Variants in FBN3 observed in about 807,000 individuals in gnomAD.
FBN3 encodes fibrillin 3, also known as fibrillin-3.
A neutral mutation model predicts 330.1 loss-of-function variants in FBN3; 234 were observed. That is an observed-to-expected ratio of 0.71 (90% CI 0.64 to 0.79). FBN3 has a LOEUF of 0.79. FBN3 is among the 30% of genes least tolerant of loss of function. The pLI is 0.00. For synonymous variants in FBN3, 1,458 were observed against 1,517.3 expected, an observed-to-expected ratio of 0.96 and a Z score of 0.91; for missense variants, 3,606 against 3,886.9, an observed-to-expected ratio of 0.93 and a Z score of 1.92.
chr19:8,101,119 C>A, intron 40 of FBN3, 147 bp from the exon 41 acceptor site: 1 of 551,504 alleles, frequency 1.8e-6, no homozygotes. Context: ...TTCCCTCCTT[C>A]CACTTATTTA....
rs2083420038 is a variant in FBN3, at chr19:8,141,738, C to T, written c.844G>A (p.Asp282Asn). 1 of 1,614,018 alleles carries T rather than the reference C, an allele frequency of 6.2e-7. No individual in the cohort carries two copies. The highest frequency in any genetic ancestry group is 1.3e-5 in the African/African-American group (1 of 75,070). ...CCACCTTCACATGCGGCGCTGCTGT[C>T]ACTGAGCCGGTGTCCAACTGGACAG... is the stretch of plus-strand genomic sequence containing the variant. ...CRCPVGHRLS[D>N]SSAACEDYRA... The change falls in exon 8 of 64, where the codon GAC becomes AAC. Residue 282 changes from aspartate to asparagine, a missense_variant. Physicochemically the swap from Asp to Asn is conservative, Grantham distance 23. Transcript: ENST00000600128.
rs535011194 is a variant in FBN3, at chr19:8,065,535, G to A, written c.*384C>T. 129 of 219,164 alleles carry A rather than the reference G, an allele frequency of 5.9e-4. No individual in the cohort carries two copies. Among genetic ancestry groups the A allele is most frequent in the Non-Finnish European group, 6.0e-4 (68 of 112,426 alleles). 13.6% of individuals were successfully genotyped at this position (219,164 alleles called of 1,614,324 possible). A position where few individuals can be genotyped will look rare whatever the true frequency, so the allele number is the denominator to read the frequency against. On this transcript the variant is annotated 3_prime_UTR_variant, in exon 64 of 64. Coordinates refer to ENST00000600128, the MANE Select transcript of FBN3 (RefSeq NM_032447.5). ...TTCTACTCCGAGGAATAAGCCCTGTGCCCACCCCAGTTGCCCATTGCCATG... is the reference window on the plus strand; with the variant it reads ...TTCTACTCCGAGGAATAAGCCCTGTACCCACCCCAGTTGCCCATTGCCATG...
intron 6 of FBN3, among the ~76,000 whole-genome samples, chr19:8,143,081 T>C (rs1288079390): frequency 6.6e-6 from 1 of 152,112 alleles, no homozygotes; most frequent in South Asian, 2.1e-4. Context: ...CAAGCCTGGA[T>C]GTCCCTGACG....
chr19:8,113,110 T>C (rs2082627084), intron 30 of FBN3, among the ~76,000 whole-genome samples: 1 of 152,176 alleles, frequency 6.6e-6, no homozygotes, highest in South Asian at 2.1e-4. Context: ...TAGGCTCCCA[T>C]CCAGTGATGA....
Position 8,075,120 on chromosome 19 carries a change from G to A in FBN3, c.7653C>T (p.Cys2551=), listed in dbSNP as rs2145377569. ...GCTGGGTGAAACCCTGGGGGCAGCT[G>A]CAGCGGTAGCCCCCTAGCTGGTTCT... The part of the protein sequence containing the change: ...GCQNQLGGYR[C]SCPQGFTQHS... Residue 2551 remains cysteine, a synonymous_variant, in exon 61 of 64, where the codon TGC becomes TGT. Coordinates refer to ENST00000600128, the MANE Select transcript of FBN3 (RefSeq NM_032447.5). 1 of 1,589,828 alleles carries A rather than the reference G, an allele frequency of 6.3e-7. No homozygotes were observed. The highest frequency in any genetic ancestry group is 8.6e-7 in the Non-Finnish European group (1 of 1,167,990).
At chr19:8,087,589 C>T (rs1170608398) in intron 53 of FBN3, among the ~76,000 whole-genome samples, 1 of 145,732 alleles carries the variant, frequency 6.9e-6, no homozygotes, top group South Asian at 2.2e-4. Context: ...GTTCTGTGTG[C>T]ATTGCAGGAT....
intron 3 of FBN3, among the ~76,000 whole-genome samples, chr19:8,146,481 C>A (rs1053649176): frequency 2.0e-5 from 3 of 152,166 alleles, no homozygotes; most frequent in African/African-American, 7.2e-5. Flanking sequence ...CTCTTTGGGC[C>A]AGAGCTGCTG....
At chr19:8,068,136 C>T (rs191619807) in intron 63 of FBN3, among the ~76,000 whole-genome samples, 209 of 152,036 alleles carry the variant, frequency 1.4e-3, no homozygotes, top group African/African-American at 4.9e-3. Context: ...CCTGTAATCC[C>T]AGCACTTTGG....
chr19:8,085,101 T>C (rs113836633), intron 56 of FBN3, among the ~76,000 whole-genome samples: 17,451 of 152,076 alleles, frequency 0.11, 2,137 homozygotes, highest in African/African-American at 0.31. Flanking sequence ...GGTGTCAAAG[T>C]GAGACTCTGT....
intron 57 of FBN3, 141 bp downstream of exon 57, chr19:8,083,106 T>G: frequency 3.0e-6 from 3 of 997,532 alleles, no homozygotes; most frequent in Non-Finnish European, 4.5e-6. Context: ...TGGCCCTCAG[T>G]TGTCTGTATG....
Position 8,109,397 on chromosome 19 carries a change from G to C in FBN3, c.4457-9C>G. The stretch of plus-strand genomic sequence containing the variant: ...GTTCCCGGCCCGAGTGTCTGAACAG[G>C]CAGAAGGGGATGGTTAGTAGGTGTC... On this transcript the variant is annotated splice_polypyrimidine_tract_variant and intron_variant, in intron 35 of 63. Coordinates refer to ENST00000600128, the MANE Select transcript of FBN3 (RefSeq NM_032447.5). The surrounding 1 kb of genome is among the most constrained non-coding windows in gnomAD (Gnocchi z 5.2). The C allele has an allele frequency of 6.2e-7, 1 of 1,614,184 alleles. No individual in the cohort carries two copies. The highest frequency in any genetic ancestry group is 8.5e-7 in the Non-Finnish European group (1 of 1,180,002).
chr19:8,094,302 A>C (rs1480756419), intron 47 of FBN3, 144 bp downstream of exon 47: 22 of 860,130 alleles, frequency 2.6e-5, no homozygotes, highest in Non-Finnish European at 3.6e-5. Flanking sequence ...TCAGAATGAC[A>C]ATAATAGTTT....
intron 10 of FBN3, among the ~76,000 whole-genome samples, 180 bp downstream of exon 10, chr19:8,137,961 T>C (rs1476629438): frequency 6.6e-6 from 1 of 152,134 alleles, no homozygotes; most frequent in African/African-American, 2.4e-5. Context: ...ATTCTCCAGT[T>C]ACCTCCATCC....
At chr19:8,135,935 T>TGGGGGGGGGGGGGGGGGGGC in intron 13 of FBN3, 26 bp downstream of exon 13, 2 of 1,344,148 alleles carry the variant, frequency 1.5e-6, no homozygotes, top group Non-Finnish European at 2.0e-6. Context: ...CGGAAGCCCC[T>TGGGGGGGGGGGGGGGGGGGC]GCCCACCCGC....
intron 41 of FBN3, among the ~76,000 whole-genome samples, chr19:8,100,280 A>G (rs1035281262): frequency 6.6e-6 from 1 of 152,038 alleles, no homozygotes; most frequent in African/African-American, 2.4e-5. Flanking sequence ...GATAGTTGCA[A>G]AACAGTGAAA....
At chr19:8,116,993 G>T (rs1269019210) in intron 28 of FBN3, among the ~76,000 whole-genome samples, 176 bp downstream of exon 28, 1 of 152,088 alleles carries the variant, frequency 6.6e-6, no homozygotes, top group Non-Finnish European at 1.5e-5. Context: ...AATCCCAGGG[G>T]CTCTCCCACA....
rs781492770 is a variant in FBN3 at position 8,136,090 on chromosome 19, C to T, written c.1466-4G>A. On this transcript the variant is annotated splice_region_variant and splice_polypyrimidine_tract_variant and intron_variant, in intron 12 of 63. Coordinates refer to ENST00000600128, the MANE Select transcript of FBN3 (RefSeq NM_032447.5). ...CTGACAATGCACTCGTCCACATCTG[C>T]GGGGAAGGCAGGCGGGCAGTCAAGA... The T allele has an allele frequency of 6.3e-5, 101 of 1,613,582 alleles. No homozygotes were observed. Among genetic ancestry groups the T allele is most frequent in the Non-Finnish European group, 7.9e-5 (93 of 1,179,764 alleles).
chr19:8,099,606 A>G (rs963593974), intron 41 of FBN3, among the ~76,000 whole-genome samples: 6 of 152,124 alleles, frequency 3.9e-5, no homozygotes, highest in African/African-American at 1.4e-4. Context: ...TTTAAAAAAT[A>G]AGGAGAATAT....
chr19:8,111,511 A>C (rs1599368125), intron 32 of FBN3, 137 bp downstream of exon 32: 1 of 1,010,802 alleles, frequency 9.9e-7, no homozygotes, highest in Non-Finnish European at 1.4e-6. Context: ...GGCCGAGGAC[A>C]CAGCCTCTCC....
Sources: allele counts gnomAD v4.1 joint callset (sites outside exome capture counted in the v4.1 genomes callset), GRCh38; gene constraint gnomAD v4.1.1; non-coding constraint Gnocchi (gnomAD v3.1); transcripts MANE v1.5; gene names NCBI Gene and HGNC (gene_info 2026-07-23, HGNC 2026-07-21).